Variants in PEX1 observed in about 807,000 individuals in gnomAD.
The protein encoded by PEX1 is peroxisomal biogenesis factor 1.
A neutral mutation model predicts 152.5 loss-of-function variants in PEX1; 97 were observed. The observed-to-expected ratio is 0.64, with a 90% confidence interval of 0.54 to 0.75. PEX1 has a LOEUF of 0.75. Among genes scored for constraint, PEX1 ranks in the 30% least tolerant of loss-of-function variants. PEX1 has a pLI of 0.00. For missense variants in PEX1, 1,357 were observed against 1,516.3 expected (o/e 0.89, Z 1.74); for synonymous variants, 485 against 531.6 (o/e 0.91, Z 1.21).
intron 11 of PEX1, 138 bp downstream of exon 11, chr7:92,506,110 A>AAAATTTCTAAGAC (rs1792175330): frequency 5.4e-4 from 45 of 83,710 alleles, no homozygotes; most frequent in Non-Finnish European, 8.7e-4. Flanking sequence ...AAGCCAAAGA[A>AAAATTTCTAAGAC]ATTTTAATGA....
chr7:92,491,252 A>G lies in PEX1; in HGVS notation c.3438+20T>C, dbSNP rs751232542. 1.5e-5 allele frequency: 22 copies of G among 1,461,780 alleles called. No homozygotes were observed. The highest frequency in any genetic ancestry group is 2.1e-5 in the Non-Finnish European group (22 of 1,040,872). The allele number at this position is 1,461,780 out of a possible 1,614,324, so 90.6% of individuals were successfully genotyped here. Reference sequence around the variant, plus strand: ...TAGCTTTATATTTCAGAACTGTATAATGATGACTGCACAAGATACCAAATC... The same window carrying G: ...TAGCTTTATATTTCAGAACTGTATAGTGATGACTGCACAAGATACCAAATC... On this transcript the variant is annotated intron_variant, in intron 21 of 23. Transcript: ENST00000248633.
intron 5 of PEX1, among the ~76,000 whole-genome samples, chr7:92,516,521 GA>G (rs199760273): frequency 1.2e-3 from 165 of 143,302 alleles, no homozygotes; most frequent in African/African-American, 1.9e-3. Context: ...AACTGTTGGA[GA>G]AAAAAAAAAA....
intron 2 of PEX1, 128 bp from the exon 3 acceptor site, chr7:92,519,206 T>C: frequency 1.5e-6 from 1 of 653,182 alleles, no homozygotes. Context: ...GATGGGGGTG[T>C]ATATGTAGTC....
At chr7:92,519,520 T>G (rs1792960190) in intron 2 of PEX1, among the ~76,000 whole-genome samples, 1 of 152,196 alleles carries the variant, frequency 6.6e-6, no homozygotes, top group Non-Finnish European at 1.5e-5. Flanking sequence ...CAGCATGACA[T>G]GTTTTTCAAA....
In PEX1 at chr7:92,491,433, AGCCACT is replaced by A. The variant is rs1210332417; in HGVS notation, c.3271_3276del (p.Gly1092_Ser1093del). ...TCTCCATCTCCAGCTGAATCGTCAG[AGCCACT>A]GCTATGGTTAAGAAAGACCATTGAA... On this transcript the variant is annotated inframe_deletion, in exon 21 of 24. Transcript: ENST00000248633. 2.5e-6 allele frequency: 4 copies of A among 1,613,950 alleles called. No individual in the cohort carries two copies. The highest frequency in any genetic ancestry group is 3.4e-6 in the Non-Finnish European group (4 of 1,179,836).
In PEX1 at chr7:92,502,007, G is replaced by A; in HGVS notation, c.2299C>T (p.Leu767Phe). ...TCTTTAGCTACATGCTGCAGGTCAA[G>A]ATCGGTGAACTTGTTTATATCACAG... ...LDCDINKFTD[L>F]DLQHVAKETG... is the part of the protein sequence containing the mutation. The change falls in exon 14 of 24, where the codon CTT (leucine) becomes TTT (phenylalanine). Residue 767 changes from leucine (L) to phenylalanine (F), a missense_variant. Leu to Phe is a conservative substitution (Grantham distance 22, BLOSUM62 0). Transcript: ENST00000248633. 1 of 1,613,298 alleles carries A rather than the reference G, an allele frequency of 6.2e-7. No individual in the cohort carries two copies. The highest frequency in any genetic ancestry group is 8.5e-7 in the Non-Finnish European group (1 of 1,179,244).
chr7:92,503,755 A>G (rs552558509), intron 12 of PEX1, among the ~76,000 whole-genome samples: 33 of 152,288 alleles, frequency 2.2e-4, no homozygotes, highest in African/African-American at 7.7e-4. Flanking sequence ...TAACAGATCG[A>G]GTGTAAGATT....
chr7:92,494,461 T>C lies in PEX1; in HGVS notation c.2926+26A>G, dbSNP rs1412967579. On this transcript the variant is annotated intron_variant, in intron 18 of 23. Coordinates refer to ENST00000248633, the MANE Select transcript of PEX1 (RefSeq NM_000466.3). ...ACATGATGACATTTTGTTATAACAT[T>C]CTATTTCTGTATTTATAATTATTAC... 47 of 1,612,544 alleles carry C rather than the reference T, an allele frequency of 2.9e-5. No individual in the cohort carries two copies. The Admixed American group carries it at 7.2e-4, about 25-fold the overall frequency.
rs928440904 is a variant in PEX1 at position 92,501,601 on chromosome 7, T to C, written c.2489A>G (p.Asn830Ser). 9 of 1,613,852 alleles carry C rather than the reference T, an allele frequency of 5.6e-6. No homozygotes were observed. The highest frequency in any genetic ancestry group is 2.2e-5 in the East Asian group (1 of 44,874). The change falls in exon 15 of 24, where the codon AAC (asparagine) becomes AGC (serine). Residue 830 changes from asparagine to serine, a missense_variant. Physicochemically the swap from Asn to Ser is conservative, Grantham distance 46. Coordinates refer to ENST00000248633, the MANE Select transcript of PEX1 (RefSeq NM_000466.3). ...ACCCAGGTCTCTAGGTTTATGCAGG[T>C]TGACACTTCGCAAAGACGCAGGAAG... is the stretch of plus-strand genomic sequence containing the variant. ...GFLPASLRSV[N>S]LHKPRDLGWD...
intron 6 of PEX1, among the ~76,000 whole-genome samples, chr7:92,512,094 G>A (rs749251332): frequency 4.0e-5 from 6 of 151,082 alleles, no homozygotes; most frequent in Admixed American, 2.6e-4. Context: ...GTGCAGTGGC[G>A]CAGTCTCCAC....
At chr7:92,527,920 C>G (rs1793365782) in intron 1 of PEX1, among the ~76,000 whole-genome samples, 1 of 152,244 alleles carries the variant, frequency 6.6e-6, no homozygotes, top group South Asian at 2.1e-4. Context: ...CTCTGCGTCC[C>G]GCTCTCGCGG....
intron 10 of PEX1, 74 bp downstream of exon 10, chr7:92,506,920 G>A (rs1173830808): frequency 1.5e-5 from 23 of 1,499,842 alleles, no homozygotes; most frequent in Non-Finnish European, 2.0e-5. Context: ...TATAATAGAT[G>A]GTCAAAACCC....
chr7:92,510,654 A>C (rs1299122585), intron 8 of PEX1, among the ~76,000 whole-genome samples: 1 of 152,132 alleles, frequency 6.6e-6, no homozygotes, highest in Non-Finnish European at 1.5e-5. Flanking sequence ...ATTTGTTTCA[A>C]TCCTAGAAGA....
intron 16 of PEX1, 91 bp downstream of exon 16, chr7:92,499,613 C>T (rs1562851960): frequency 8.9e-7 from 1 of 1,118,364 alleles, no homozygotes; most frequent in East Asian, 2.4e-5. Context: ...TGTGAATGCA[C>T]TAAATGCCAG....
rs1418412029 is a variant in PEX1 at position 92,511,023 on chromosome 7, A to G, written c.1508T>C (p.Ile503Thr). ...KDGLKEFSLS[I>T]VHSWEKEKDK... The stretch of plus-strand genomic sequence containing the variant: ...TTTTTCTTTTTCCCAAGAATGAACT[A>G]TACTCAGAGAAAATTCCTTCAGTCC... Residue 503 changes from isoleucine (I) to threonine (T), a missense_variant, in exon 8 of 24, where the codon ATA (isoleucine) becomes ACA (threonine). Coordinates refer to ENST00000248633, the MANE Select transcript of PEX1 (RefSeq NM_000466.3). 1 of 1,557,344 alleles carries G rather than the reference A, an allele frequency of 6.4e-7. No homozygotes were observed.
chr7:92,512,071 C>T (rs1488489805), intron 6 of PEX1, among the ~76,000 whole-genome samples: 2 of 152,190 alleles, frequency 1.3e-5, no homozygotes, highest in African/African-American at 4.8e-5. Flanking sequence ...CTCGCTGTAT[C>T]GCCCAGGCTG....
At chr7:92,520,517 T>C (rs1232766020) in intron 2 of PEX1, among the ~76,000 whole-genome samples, 1 of 152,214 alleles carries the variant, frequency 6.6e-6, no homozygotes, top group African/African-American at 2.4e-5. Context: ...TAGAGAGCAA[T>C]GTAGCCCCAT....
At chr7:92,491,160 C>T in intron 21 of PEX1, 112 bp downstream of exon 21, 2 of 744,558 alleles carry the variant, frequency 2.7e-6, no homozygotes, top group South Asian at 1.5e-5. Flanking sequence ...TACTGAAGAA[C>T]CAACCAACCA....
intron 22 of PEX1, 60 bp downstream of exon 22, chr7:92,489,654 A>G: frequency 6.8e-7 from 1 of 1,470,000 alleles, no homozygotes; most frequent in Non-Finnish European, 9.5e-7. Flanking sequence ...ATATATATCA[A>G]AAGGGTGAAA....
Sources: gnomAD v4.1 joint callset for allele counts (sites outside exome capture counted in the v4.1 genomes callset) on GRCh38, gnomAD v4.1.1 for gene constraint, MANE v1.5 for transcripts, NCBI Gene and HGNC (gene_info 2026-07-23, HGNC 2026-07-21) for gene names.